Variants in NRSN1 observed in about 807,000 individuals in gnomAD.
NRSN1 encodes neurensin 1, also known as neurensin-1.
NRSN1 carries 14 observed loss-of-function variants against 17.3 expected under a neutral mutation model. That is an observed-to-expected ratio of 0.81 (90% CI 0.54 to 1.27). The LOEUF is 1.27. Ranked by LOEUF, NRSN1 falls within the 50% of genes most tolerant of loss-of-function variation. The probability of loss-of-function intolerance (pLI) is 0.00; values close to 1 mark genes in which losing one functional copy is unlikely to be tolerated. For synonymous variants in NRSN1, 79 were observed against 94.2 expected (o/e 0.84, Z 0.93); for missense variants, 209 against 235.9 (o/e 0.89, Z 0.75).
At position 24,128,152 on chromosome 6, in the gene NRSN1, G is replaced by C. The variant is rs1759978072; in HGVS notation, c.-58G>C. On this transcript the variant is annotated 5_prime_UTR_variant, in exon 2 of 4. Transcript: ENST00000378491. ...GGATTGAAGAATGCGCCATTAAAAG[G>C]AAAGATCAAGGAGTAAACCAGAAGA... 6.6e-6 allele frequency: 1 copy of C among 152,124 alleles called. No individual in the cohort carries two copies. Among genetic ancestry groups the C allele is most frequent in the Admixed American group, 6.5e-5 (1 of 15,278 alleles). 9.4% of individuals were successfully genotyped at this position (152,124 alleles called of 1,614,324 possible).
intron 1 of NRSN1, among the ~76,000 whole-genome samples, chr6:24,127,754 G>C: frequency 6.6e-6 from 1 of 152,092 alleles, no homozygotes; most frequent in East Asian, 1.9e-4. Flanking sequence ...CCATTCTGAA[G>C]TATCTAGGAA....
At chr6:24,134,789 C>A (rs1439653307) in intron 3 of NRSN1, among the ~76,000 whole-genome samples, 2 of 152,090 alleles carry the variant, frequency 1.3e-5, no homozygotes, top group Non-Finnish European at 2.9e-5. Context: ...AAAAATGTGC[C>A]ATTAAATTCA....
intron 3 of NRSN1, among the ~76,000 whole-genome samples, chr6:24,137,933 G>A (rs1760142375): frequency 6.6e-6 from 1 of 152,146 alleles, no homozygotes; most frequent in Non-Finnish European, 1.5e-5. Flanking sequence ...AGAGTCATGG[G>A]AGAGTACAGC....
chr6:24,127,862 A>C (rs1759972070), intron 1 of NRSN1, among the ~76,000 whole-genome samples: 1 of 152,102 alleles, frequency 6.6e-6, no homozygotes, highest in Non-Finnish European at 1.5e-5. Flanking sequence ...AAAAATGAGA[A>C]TAGCACATAT....
intron 1 of NRSN1, among the ~76,000 whole-genome samples, chr6:24,127,601 C>T (rs947925880): frequency 6.6e-6 from 1 of 152,072 alleles, no homozygotes; most frequent in Non-Finnish European, 1.5e-5. Context: ...AGGAAGAAAA[C>T]GGATATAGGA....
intron 2 of NRSN1, among the ~76,000 whole-genome samples, chr6:24,131,184 C>T (rs1760021216): frequency 6.6e-6 from 1 of 152,180 alleles, no homozygotes; most frequent in Non-Finnish European, 1.5e-5. Flanking sequence ...ATGACACTTT[C>T]TATCTCTTTT....
chr6:24,143,451 C>G (rs1760254140), intron 3 of NRSN1, among the ~76,000 whole-genome samples: 1 of 152,310 alleles, frequency 6.6e-6, no homozygotes, highest in South Asian at 2.1e-4. Context: ...ACCAGTTATA[C>G]TTTTCCCATT....
chr6:24,134,254 CAT>C, intron 2 of NRSN1, 63 bp from the exon 3 acceptor site: 1 of 1,311,264 alleles, frequency 7.6e-7, no homozygotes, highest in South Asian at 1.3e-5. Context: ...TCTTACCTTT[CAT>C]ATGTCTTTTG....
At chr6:24,130,615 T>C (rs1484909148) in intron 2 of NRSN1, among the ~76,000 whole-genome samples, 3 of 152,266 alleles carry the variant, frequency 2.0e-5, no homozygotes, top group Middle Eastern at 3.4e-3. Context: ...TTAGGCAACA[T>C]ACGTGATACT....
At chr6:24,141,139 C>T (rs1014665196) in intron 3 of NRSN1, 3 of 1,278,440 alleles carry the variant, frequency 2.3e-6, no homozygotes, top group South Asian at 6.5e-5. Flanking sequence ...TTCTGTGTGG[C>T]CCTAAACGAG....
intron 3 of NRSN1, among the ~76,000 whole-genome samples, chr6:24,138,596 T>C (rs955527245): frequency 2.6e-5 from 4 of 152,188 alleles, no homozygotes; most frequent in Admixed American, 6.5e-5. Context: ...AGGCATTTAA[T>C]GGCGATGTGC....
Position 24,145,928 on chromosome 6 carries a change from G to A in NRSN1, c.570G>A (p.Gln190=), listed in dbSNP as rs1221107605. The A allele has an allele frequency of 1.2e-6, 2 of 1,607,986 alleles. No homozygotes were observed. The highest frequency in any genetic ancestry group is 1.7e-5 in the Admixed American group (1 of 58,530). ...PVTLSRVQNV[Q]PLLAT is the part of the protein sequence containing the mutation. ...CTTTGTCCAGGGTTCAAAATGTCCA[G>A]CCTCTACTGGCAACCTGAAACCTTT... The change falls in exon 4 of 4, where the codon CAG becomes CAA. Residue 190 remains glutamine (Q), a synonymous_variant. Coordinates refer to ENST00000378491, the MANE Select transcript of NRSN1 (RefSeq NM_080723.5). This position sits in a 1 kb window ranked among gnomAD's most constrained non-coding sequence, Gnocchi z 4.4.
Position 24,134,340 on chromosome 6 carries a change from A to C in NRSN1, c.13A>C (p.Ser5Arg), listed in dbSNP as rs889107669. 4.3e-6 allele frequency: 7 copies of C among 1,613,814 alleles called. No homozygotes were observed. Among genetic ancestry groups the C allele is most frequent in the Non-Finnish European group, 2.5e-6 (3 of 1,179,946 alleles). Residue 5 changes from serine (S) to arginine (R), a missense_variant, in exon 3 of 4, where the codon AGC becomes CGC. Physicochemically the swap from Ser to Arg is moderately radical, Grantham distance 110. Coordinates refer to ENST00000378491, the MANE Select transcript of NRSN1 (RefSeq NM_080723.5). MSSC[S>R]NVCGSRQAQA... ...CCAGCTGGGAAGGATGAGTTCTTGC[A>C]GCAACGTCTGTGGGTCCAGGCAGGC...
chr6:24,135,321 G>A (rs528569446), intron 3 of NRSN1, among the ~76,000 whole-genome samples: 4 of 152,240 alleles, frequency 2.6e-5, no homozygotes, highest in African/African-American at 9.6e-5. Context: ...GATGAGTTGA[G>A]GGAACAGACC....
intron 3 of NRSN1, chr6:24,141,074 GC>G: frequency 7.0e-7 from 1 of 1,427,686 alleles, no homozygotes; most frequent in Non-Finnish European, 9.2e-7. Context: ...CCACCCTAAG[GC>G]CCCAGGTTGC....
At chr6:24,141,162 C>T (rs988072457) in intron 3 of NRSN1, 13 of 1,269,112 alleles carry the variant, frequency 1.0e-5, no homozygotes, top group Non-Finnish European at 2.0e-6. Context: ...TGCTTTGCTT[C>T]CTCAGAACTT....
chr6:24,127,220 A>G (rs1301204036), intron 1 of NRSN1, among the ~76,000 whole-genome samples: 1 of 152,174 alleles, frequency 6.6e-6, no homozygotes, highest in Non-Finnish European at 1.5e-5. Context: ...CAGGAGGCTA[A>G]TATAATTTGC....
rs1266660067 is a variant in NRSN1, at chr6:24,146,363, C to T, written c.*417C>T. On this transcript the variant is annotated 3_prime_UTR_variant, in exon 4 of 4. Coordinates refer to ENST00000378491, the MANE Select transcript of NRSN1 (RefSeq NM_080723.5). ...GTGGTGCTGTCTTCCATTCCTGTCT[C>T]ACTATGTGTAAGATTTTGTCATATG... The T allele has an allele frequency of 6.6e-6, 3 of 455,636 alleles. No individual in the cohort carries two copies. The highest frequency in any genetic ancestry group is 2.0e-5 in the African/African-American group (1 of 49,728). 28.2% of individuals were successfully genotyped at this position (455,636 alleles called of 1,614,324 possible). A position where few individuals can be genotyped will look rare whatever the true frequency, so the allele number is the denominator to read the frequency against.
rs1760293003 is a variant in NRSN1 at position 24,145,737 on chromosome 6, G to A, written c.379G>A (p.Gly127Ser). ...LAGAVLFCIG[G>S]TSMAGCLLMS... ...AGGAGCTGTTCTCTTCTGCATTGGA[G>A]GCACGTCCATGGCAGGGTGCCTGCT... The change falls in exon 4 of 4, where the codon GGC becomes AGC. Residue 127 changes from glycine (G) to serine (S), a missense_variant. Physicochemically the swap from Gly to Ser is moderately conservative, Grantham distance 56. Coordinates refer to ENST00000378491, the MANE Select transcript of NRSN1 (RefSeq NM_080723.5). This position sits in a 1 kb window ranked among gnomAD's most constrained non-coding sequence, Gnocchi z 4.4. 6 of 1,614,170 alleles carry A rather than the reference G, an allele frequency of 3.7e-6. No homozygotes were observed. Among genetic ancestry groups the A allele is most frequent in the Non-Finnish European group, 5.1e-6 (6 of 1,179,996 alleles).
Sources: gnomAD v4.1 joint callset for allele counts (sites outside exome capture counted in the v4.1 genomes callset) on GRCh38, gnomAD v4.1.1 for gene constraint, Gnocchi (gnomAD v3.1) non-coding constraint, MANE v1.5 for transcripts, NCBI Gene and HGNC (gene_info 2026-07-23, HGNC 2026-07-21) for gene names.